The following KCNV1 variants were observed in gnomAD, a reference collection of about 807,000 sequenced individuals.
KCNV1 encodes the protein potassium voltage-gated channel subfamily V member 1.
KCNV1 carries 2 observed loss-of-function variants against 36.4 expected under a neutral mutation model. The ratio of observed to expected loss-of-function variants is 0.05; its 90% CI spans 0.02 to 0.17. The LOEUF (loss-of-function observed/expected upper bound fraction) is 0.17, where lower values mean the gene tolerates loss of function less well. Ranked by LOEUF, KCNV1 falls within the 10% of genes least tolerant of loss-of-function variation. The pLI, the probability that KCNV1 is intolerant of heterozygous loss-of-function variation, is 1.00. For synonymous variants in KCNV1, 280 were observed against 261.1 expected (o/e 1.07, Z -0.70); for missense variants, 321 against 643.6 (o/e 0.50, Z 5.42).
Position 109,966,480 on chromosome 8 carries a change from C to T in KCNV1, c.*1608G>A, listed in dbSNP as rs1433621355. The T allele has an allele frequency of 1.3e-5, 2 of 152,150 alleles. No homozygotes were observed. Among genetic ancestry groups the T allele is most frequent in the African/African-American group, 4.8e-5 (2 of 41,436 alleles). The allele number at this position is 152,150 out of a possible 1,614,324, so 9.4% of individuals were successfully genotyped here. ...GCACACAATCTAAAACTCATGCCAT[C>T]AGTGAAAATGTTTTCAGAGCTTAAC... On this transcript the variant is annotated 3_prime_UTR_variant, in exon 4 of 4. Coordinates refer to ENST00000524391, the MANE Select transcript of KCNV1 (RefSeq NM_014379.4).
Position 109,974,027 on chromosome 8 carries a change from C to T in KCNV1, c.362G>A (p.Arg121His). 3 of 1,613,350 alleles carry T rather than the reference C, an allele frequency of 1.9e-6. No homozygotes were observed. Among genetic ancestry groups the T allele is most frequent in the Non-Finnish European group, 2.5e-6 (3 of 1,179,930 alleles). Residue 121 changes from arginine to histidine, a missense_variant, in exon 2 of 4, where the codon CGC becomes CAC. Coordinates refer to ENST00000524391, the MANE Select transcript of KCNV1 (RefSeq NM_014379.4). This position sits in a 1 kb window ranked among gnomAD's most constrained non-coding sequence, Gnocchi z 6.2. ...RYVLHYYRTG[R>H]LHVMEQLCAL... ...GCACAGCTGCTCCATGACATGCAGG[C>T]GGCCGGTGCGGTAGTAGTGCAGGAC...
Position 109,972,705 on chromosome 8 carries a change from G to T in KCNV1, c.544C>A (p.Gln182Lys). Residue 182 changes from glutamine (Q) to lysine (K), a missense_variant, in exon 3 of 4, where the codon CAG becomes AAG. By Grantham distance (53) the Gln-to-Lys change is moderately conservative. Coordinates refer to ENST00000524391, the MANE Select transcript of KCNV1 (RefSeq NM_014379.4). This position sits in a 1 kb window ranked among gnomAD's most constrained non-coding sequence, Gnocchi z 5.2. Reference sequence around the variant, plus strand: ...GGACAAGGTCCTTGGGAGAAGTCCTGTTCACTCTCATGTTGACTTTCCTGG... The same window carrying T: ...GGACAAGGTCCTTGGGAGAAGTCCTTTTCACTCTCATGTTGACTTTCCTGG... The part of the protein sequence containing the change: ...EDQESQHESE[Q>K]DFSQGPCPTV... 1.2e-6 allele frequency: 2 copies of T among 1,614,144 alleles called. No homozygotes were observed. The highest frequency in any genetic ancestry group is 1.7e-6 in the Non-Finnish European group (2 of 1,179,986).
At position 109,974,357 on chromosome 8, in the gene KCNV1, G is replaced by C. The variant is rs1266468923; in HGVS notation, c.32C>G (p.Ser11Trp). ...GGTCAGGGAGCCGCTGTCCAGCGGCGAGTCCAGCAGCGCTCTGCCGCTGGA... is the reference window on the plus strand; with the variant it reads ...GGTCAGGGAGCCGCTGTCCAGCGGCCAGTCCAGCAGCGCTCTGCCGCTGGA... The part of the protein sequence containing the change: MPSSGRALLD[S>W]PLDSGSLTSL... The change falls in exon 2 of 4, where the codon TCG (serine) becomes TGG (tryptophan). Residue 11 changes from serine to tryptophan, a missense_variant. By Grantham distance (177) the Ser-to-Trp change is radical. This residue lies in a region of KCNV1 where 39 missense variants were observed against 50.8 expected (regional missense o/e 0.77). Transcript: ENST00000524391. The surrounding 1 kb of genome is among the most constrained non-coding windows in gnomAD (Gnocchi z 6.2). The C allele has an allele frequency of 6.6e-7, 1 of 1,519,404 alleles. No homozygotes were observed. Among genetic ancestry groups the C allele is most frequent in the African/African-American group, 1.4e-5 (1 of 72,186 alleles). 94.1% of individuals were successfully genotyped at this position (1,519,404 alleles called of 1,614,324 possible). A position where few individuals can be genotyped will look rare whatever the true frequency, so the allele number is the denominator to read the frequency against.
Position 109,968,008 on chromosome 8 carries a change from T to C in KCNV1, c.*80A>G. 3 of 1,378,670 alleles carry C rather than the reference T, an allele frequency of 2.2e-6. No individual in the cohort carries two copies. The highest frequency in any genetic ancestry group is 3.0e-6 in the Non-Finnish European group (3 of 1,012,404). The allele number at this position is 1,378,670 out of a possible 1,614,324, so 85.4% of individuals were successfully genotyped here. ...AGCAGTACTCTGAAGAGACTCATCA[T>C]CAGAATACAGAAATCCACATCACTG... On this transcript the variant is annotated 3_prime_UTR_variant, in exon 4 of 4. Transcript: ENST00000524391. This position sits in a 1 kb window ranked among gnomAD's most constrained non-coding sequence, Gnocchi z 5.3.
In KCNV1 at chr8:109,970,169, T is replaced by C. The variant is rs556131044; in HGVS notation, c.992-1570A>G. Among the ~76,000 whole-genome samples the C allele has an allele frequency of 8.5e-5, 13 of 152,316 alleles. No individual in the cohort carries two copies. The South Asian group carries it at 1.0e-3, about 12-fold the overall frequency. On this transcript the variant is annotated intron_variant, in intron 3 of 3. Transcript: ENST00000524391. Reference sequence around the variant, plus strand: ...ATTAACCAGCTATTTTTAAAGATCATTGAGTATTTTGAAGTTTAACTTCAA... The same window carrying C: ...ATTAACCAGCTATTTTTAAAGATCACTGAGTATTTTGAAGTTTAACTTCAA...
Position 109,975,211 on chromosome 8 carries a change from T to C in KCNV1, c.-804-19A>G, listed in dbSNP as rs1820066920. On this transcript the variant is annotated intron_variant, in intron 1 of 3. Transcript: ENST00000524391. ...TGACCTCCTGGTTGAGAAACAAGAA[T>C]AATTAATGATGACTTTTTATTGAAG... 6.6e-6 allele frequency: 1 copy of C among 152,146 alleles called. No individual in the cohort carries two copies. Among genetic ancestry groups the C allele is most frequent in the African/African-American group, 2.4e-5 (1 of 41,434 alleles). The allele number at this position is 152,146 out of a possible 1,614,324, so 9.4% of individuals were successfully genotyped here. A position where few individuals can be genotyped will look rare whatever the true frequency, so the allele number is the denominator to read the frequency against.
rs147881834 is a variant in KCNV1, at chr8:109,972,438, G to A, written c.811C>T (p.Leu271=). 5 of 1,614,110 alleles carry A rather than the reference G, an allele frequency of 3.1e-6. No homozygotes were observed. The highest frequency in any genetic ancestry group is 4.2e-6 in the Non-Finnish European group (5 of 1,180,028). The change falls in exon 3 of 4, where the codon CTA becomes TTA. Residue 271 remains leucine (L), a synonymous_variant. Transcript: ENST00000524391. This position sits in a 1 kb window ranked among gnomAD's most constrained non-coding sequence, Gnocchi z 5.2. The part of the protein sequence containing the change: ...FLCVRDRCRF[L]RKVPNIIDLL... ...TCTATGATGTTTGGCACCTTTCTTAGGAAGCGACACCTGTCCCGCACACAC... is the reference window on the plus strand; with the variant it reads ...TCTATGATGTTTGGCACCTTTCTTAAGAAGCGACACCTGTCCCGCACACAC...
Position 109,968,606 on chromosome 8 carries a change from C to T in KCNV1, c.992-7G>A. 1 of 1,571,290 alleles carries T rather than the reference C, an allele frequency of 6.4e-7. No homozygotes were observed. The highest frequency in any genetic ancestry group is 1.3e-5 in the African/African-American group (1 of 74,208). On this transcript the variant is annotated splice_polypyrimidine_tract_variant and splice_region_variant and intron_variant, in intron 3 of 3. Coordinates refer to ENST00000524391, the MANE Select transcript of KCNV1 (RefSeq NM_014379.4). The surrounding 1 kb of genome is among the most constrained non-coding windows in gnomAD (Gnocchi z 5.3). ...ATCCCAAGGGAGCGTAATCCTGCAA[C>T]AGAACAAATGCTGTCAGTCATTGGC...
At position 109,972,515 on chromosome 8, in the gene KCNV1, A is replaced by C; in HGVS notation, c.734T>G (p.Leu245Arg). Residue 245 changes from leucine (L) to arginine (R), a missense_variant, in exon 3 of 4, where the codon CTG becomes CGG. Physicochemically the swap from Leu to Arg is moderately radical, Grantham distance 102. Transcript: ENST00000524391. The surrounding 1 kb of genome is among the most constrained non-coding windows in gnomAD (Gnocchi z 5.2). Reference protein sequence around the residue: ...SWLDLQLLEILEYVCISWFTG... With the variant: ...SWLDLQLLEIREYVCISWFTG... Reference sequence around the variant, plus strand: ...GAACCAGCTAATGCACACATACTCCAGGATTTCCAGCAGCTGCAGGTCCAG... The same window carrying C: ...GAACCAGCTAATGCACACATACTCCCGGATTTCCAGCAGCTGCAGGTCCAG... The C allele has an allele frequency of 6.2e-7, 1 of 1,614,230 alleles. No homozygotes were observed. Among genetic ancestry groups the C allele is most frequent in the Non-Finnish European group, 8.5e-7 (1 of 1,180,038 alleles).
rs1258890854 is a variant in KCNV1 at position 109,964,555 on chromosome 8, T to A, written c.*3533A>T. 2.6e-5 allele frequency: 4 copies of A among 152,210 alleles called. No individual in the cohort carries two copies. The highest frequency in any genetic ancestry group is 5.9e-5 in the Non-Finnish European group (4 of 68,046). The allele number at this position is 152,210 out of a possible 1,614,324, so 9.4% of individuals were successfully genotyped here. On this transcript the variant is annotated 3_prime_UTR_variant, in exon 4 of 4. Coordinates refer to ENST00000524391, the MANE Select transcript of KCNV1 (RefSeq NM_014379.4). ...AAGATACATGCACACGTATGTTCAA[T>A]GCAGCATTATTCACAGTAGCAAAGA...
chr8:109,972,309 A>G lies in KCNV1; in HGVS notation c.940T>C (p.Leu314=), dbSNP rs144174724. 268 of 1,613,760 alleles carry G rather than the reference A, an allele frequency of 1.7e-4. No homozygotes were observed. The African/African-American group carries it at 2.9e-3, about 17-fold the overall frequency. Residue 314 remains leucine, a synonymous_variant, in exon 3 of 4, where the codon TTG becomes CTG. Transcript: ENST00000524391. The surrounding 1 kb of genome is among the most constrained non-coding windows in gnomAD (Gnocchi z 5.2). ...LENVGRIVQV[L]RLLRALRMLK... ...ATGCGCAGAGCCCTGAGCAGCCTCA[A>G]CACCTGGACAATGCGCCCCACGTTC...
chr8:109,971,981 G>A (rs1043665247), intron 3 of KCNV1, among the ~76,000 whole-genome samples: 3 of 152,070 alleles, frequency 2.0e-5, no homozygotes, highest in Admixed American at 1.3e-4. Flanking sequence ...ATATCTTCTG[G>A]GTAATGGTTT....
rs761595717 is a variant in KCNV1, at chr8:109,968,074, A to C, written c.*14T>G. On this transcript the variant is annotated 3_prime_UTR_variant, in exon 4 of 4. Transcript: ENST00000524391. The surrounding 1 kb of genome is among the most constrained non-coding windows in gnomAD (Gnocchi z 5.3). ...TAATTGTACATAGCTTTTGTAAATAAATTGAAAATTAATTCAAAACCAGAA... is the reference window on the plus strand; with the variant it reads ...TAATTGTACATAGCTTTTGTAAATACATTGAAAATTAATTCAAAACCAGAA... 6.3e-7 allele frequency: 1 copy of C among 1,596,704 alleles called. No individual in the cohort carries two copies. Among genetic ancestry groups the C allele is most frequent in the South Asian group, 1.1e-5 (1 of 89,282 alleles).
chr8:109,974,343 C>T lies in KCNV1; in HGVS notation c.46G>A (p.Gly16Ser). Residue 16 changes from glycine to serine, a missense_variant, in exon 2 of 4, where the codon GGC becomes AGC. Coordinates refer to ENST00000524391, the MANE Select transcript of KCNV1 (RefSeq NM_014379.4). This position sits in a 1 kb window ranked among gnomAD's most constrained non-coding sequence, Gnocchi z 6.2. ...CTAGAGTCCAGGGAGGTCAGGGAGC[C>T]GCTGTCCAGCGGCGAGTCCAGCAGC... The part of the protein sequence containing the change: ...RALLDSPLDS[G>S]SLTSLDSSVF... 1 of 1,536,440 alleles carries T rather than the reference C, an allele frequency of 6.5e-7. No homozygotes were observed. The highest frequency in any genetic ancestry group is 8.7e-7 in the Non-Finnish European group (1 of 1,146,864).
intron 2 of KCNV1, among the ~76,000 whole-genome samples, chr8:109,973,688 C>G (rs558672463): frequency 6.6e-6 from 1 of 152,226 alleles, no homozygotes; most frequent in East Asian, 1.9e-4. Flanking sequence ...TTGCCTTATA[C>G]GTTAAATTAG....
chr8:109,974,732 C>G lies in KCNV1; in HGVS notation c.-344G>C, dbSNP rs1040492848. ...TGGCCCTTCCCAAACGTTGTCACCC[C>G]GCCTCCCAACTTCGCAATTGCGATT... On this transcript the variant is annotated 5_prime_UTR_variant, in exon 2 of 4. Coordinates refer to ENST00000524391, the MANE Select transcript of KCNV1 (RefSeq NM_014379.4). The surrounding 1 kb of genome is among the most constrained non-coding windows in gnomAD (Gnocchi z 6.2). 1.8e-5 allele frequency: 6 copies of G among 326,972 alleles called. No homozygotes were observed. The highest frequency in any genetic ancestry group is 2.8e-5 in the Non-Finnish European group (5 of 178,070). 20.3% of individuals were successfully genotyped at this position (326,972 alleles called of 1,614,324 possible).
rs781712177 is a variant in KCNV1 at position 109,968,178 on chromosome 8, G to A, written c.1413C>T (p.Val471=). Residue 471 remains valine, a synonymous_variant, in exon 4 of 4, where the codon GTC becomes GTT. Transcript: ENST00000524391. The surrounding 1 kb of genome is among the most constrained non-coding windows in gnomAD (Gnocchi z 5.3). Reference sequence around the variant, plus strand: ...GCATCTCCATGATACTCCGGGCATAGACATCTCTCAAGTTAACACTGATAT... The same window carrying A: ...GCATCTCCATGATACTCCGGGCATAAACATCTCTCAAGTTAACACTGATAT... ...DSYISVNLRD[V]YARSIMEMLR... 4.3e-6 allele frequency: 7 copies of A among 1,614,046 alleles called. No homozygotes were observed. Among genetic ancestry groups the A allele is most frequent in the Middle Eastern group, 1.6e-4 (1 of 6,084 alleles).
At position 109,964,795 on chromosome 8, in the gene KCNV1, A is replaced by AACAC. The variant is rs1354332703; in HGVS notation, c.*3292_*3293insGTGT. On this transcript the variant is annotated 3_prime_UTR_variant, in exon 4 of 4. Coordinates refer to ENST00000524391, the MANE Select transcript of KCNV1 (RefSeq NM_014379.4). ...TTATAAGTGGGAGCTAAATGATGAG[A>AACAC]GCACATGAACACATAGAGGGAAACA... The AACAC allele has an allele frequency of 1.6e-4, 25 of 152,312 alleles. No individual in the cohort carries two copies. The highest frequency in any genetic ancestry group is 6.0e-4 in the African/African-American group (25 of 41,566). 9.4% of individuals were successfully genotyped at this position (152,312 alleles called of 1,614,324 possible). A position where few individuals can be genotyped will look rare whatever the true frequency, so the allele number is the denominator to read the frequency against.
At position 109,967,264 on chromosome 8, in the gene KCNV1, C is replaced by T. The variant is rs1429818773; in HGVS notation, c.*824G>A. The stretch of plus-strand genomic sequence containing the variant: ...GAAATTTAGGATGTTCACTACCTCA[C>T]TTTTACATATTCATTATTTTAAAGC... On this transcript the variant is annotated 3_prime_UTR_variant, in exon 4 of 4. Transcript: ENST00000524391. 2.0e-5 allele frequency: 3 copies of T among 152,162 alleles called. No individual in the cohort carries two copies. The highest frequency in any genetic ancestry group is 2.0e-4 in the Admixed American group (3 of 15,272). 9.4% of individuals were successfully genotyped at this position (152,162 alleles called of 1,614,324 possible).
Sources: allele counts gnomAD v4.1 joint callset (sites outside exome capture counted in the v4.1 genomes callset), GRCh38; gene constraint gnomAD v4.1.1; regional missense constraint gnomAD v4.1.1; non-coding constraint Gnocchi (gnomAD v3.1); transcripts MANE v1.5; gene names NCBI Gene and HGNC (gene_info 2026-07-23, HGNC 2026-07-21).